Variants in ZFAND4 observed in about 807,000 individuals in gnomAD.
ZFAND4 encodes the protein zinc finger AN1-type containing 4.
In ZFAND4, 43 loss-of-function variants were observed where a neutral mutation model predicts 64.4. The ratio of observed to expected loss-of-function variants is 0.67; its 90% CI spans 0.52 to 0.86. ZFAND4 has a LOEUF of 0.86. ZFAND4 is among the 40% of genes least tolerant of loss of function. The pLI is 0.00. For missense variants in ZFAND4, 929 were observed against 859.8 expected, an observed-to-expected ratio of 1.08 and a Z score of -1.01; for synonymous variants, 296 against 305.7, an observed-to-expected ratio of 0.97 and a Z score of 0.33.
At chr10:45,634,135 A>C (rs1256965649) in intron 6 of ZFAND4, among the ~76,000 whole-genome samples, 2 of 152,210 alleles carry the variant, frequency 1.3e-5, no homozygotes, top group Non-Finnish European at 2.9e-5. Context: ...ATGATATCTA[A>C]CTTGCACATA....
At chr10:45,647,921 T>C (rs1390446601) in intron 5 of ZFAND4, among the ~76,000 whole-genome samples, 1 of 152,318 alleles carries the variant, frequency 6.6e-6, no homozygotes, top group African/African-American at 2.4e-5. Flanking sequence ...TTATCTCCCT[T>C]TTATAGAGTA....
rs1415873618 is a variant in ZFAND4 at position 45,663,770 on chromosome 10, G to T, written c.-45C>A. 6.6e-7 allele frequency: 1 copy of T among 1,510,360 alleles called. No homozygotes were observed. The highest frequency in any genetic ancestry group is 1.3e-5 in the South Asian group (1 of 77,956). The allele number at this position is 1,510,360 out of a possible 1,614,324, so 93.6% of individuals were successfully genotyped here. A position where few individuals can be genotyped will look rare whatever the true frequency, so the allele number is the denominator to read the frequency against. On this transcript the variant is annotated 5_prime_UTR_variant, in exon 2 of 10. An upstream open reading frame in the 5' UTR gains an earlier in-frame stop. Coordinates refer to ENST00000344646, the MANE Select transcript of ZFAND4 (RefSeq NM_174890.4). ...CTTCTAAAATATGTCGCAGGCAACT[G>T]TATTCCAGTTCTAGGCAAACCAGGT...
chr10:45,642,147 A>G (rs193181245), intron 5 of ZFAND4, among the ~76,000 whole-genome samples: 2 of 152,336 alleles, frequency 1.3e-5, no homozygotes, highest in East Asian at 3.9e-4. Context: ...GTTACCTTGC[A>G]ATATTTTAAC....
At chr10:45,617,591 GAAAAAA>G (rs11362238) in intron 9 of ZFAND4, among the ~76,000 whole-genome samples, 1 of 71,082 alleles carries the variant, frequency 1.4e-5, no homozygotes, top group Admixed American at 1.8e-4. Context: ...TTACAGTACT[GAAAAAA>G]AAAAAAAAAA....
chr10:45,652,655 G>T (rs181740368), intron 3 of ZFAND4, among the ~76,000 whole-genome samples: 1 of 152,166 alleles, frequency 6.6e-6, no homozygotes, highest in African/African-American at 2.4e-5. Context: ...AAAACAGAAA[G>T]AAAGGAACAT....
chr10:45,627,042 T>A lies in ZFAND4; in HGVS notation c.781A>T (p.Thr261Ser). 7 of 1,599,636 alleles carry A rather than the reference T, an allele frequency of 4.4e-6. No homozygotes were observed. The highest frequency in any genetic ancestry group is 6.0e-6 in the Non-Finnish European group (7 of 1,171,980). ...AACAATCGGTGGCGAGATGGTGCAG[T>A]GGAACCACTAGAAGGTCGAGGAGCT... The part of the protein sequence containing the change: ...PVAPRPSSGS[T>S]APSRHRLLRV... The change falls in exon 7 of 10, where the codon ACT (threonine) becomes TCT (serine). Residue 261 changes from threonine (T) to serine (S), a missense_variant. By Grantham distance (58) the Thr-to-Ser change is moderately conservative. Transcript: ENST00000344646.
intron 8 of ZFAND4, among the ~76,000 whole-genome samples, chr10:45,619,756 ATCT>A (rs1162112158): frequency 1.3e-5 from 2 of 152,166 alleles, no homozygotes; most frequent in Non-Finnish European, 2.9e-5. Context: ...GCAAAATTAA[ATCT>A]TCTTTATTAC....
chr10:45,651,560 C>A (rs542753994), intron 4 of ZFAND4: 29 of 471,504 alleles, frequency 6.2e-5, no homozygotes, highest in South Asian at 4.0e-4. Flanking sequence ...CCAGACACAT[C>A]ACAAACCAGG....
chr10:45,619,695 G>T (rs1438830160), intron 8 of ZFAND4, among the ~76,000 whole-genome samples: 5 of 151,628 alleles, frequency 3.3e-5, no homozygotes, highest in Non-Finnish European at 7.4e-5. Context: ...TTGGTTCTAT[G>T]TCTTTTTTTT....
At chr10:45,617,033 G>A (rs1364826761) in intron 9 of ZFAND4, among the ~76,000 whole-genome samples, 4 of 151,048 alleles carry the variant, frequency 2.6e-5, no homozygotes, top group African/African-American at 9.7e-5. Context: ...AGCCAAGATC[G>A]TGCCACTGCA....
intron 6 of ZFAND4, among the ~76,000 whole-genome samples, chr10:45,627,622 A>G (rs113588725): frequency 0.016 from 2,381 of 152,284 alleles, 70 homozygotes; most frequent in African/African-American, 0.054. Context: ...AACCTAACTG[A>G]TAAGAGTCGT....
intron 2 of ZFAND4, among the ~76,000 whole-genome samples, chr10:45,653,549 G>A (rs2047900261): frequency 6.6e-6 from 1 of 152,084 alleles, no homozygotes; most frequent in African/African-American, 2.4e-5. Flanking sequence ...CATATATGTG[G>A]CCAACAAATA....
chr10:45,635,195 C>CAAAAAAAAAAAAAAAAAAAAAAAAAA (rs1173808756), intron 6 of ZFAND4, among the ~76,000 whole-genome samples: 68 of 27,586 alleles, frequency 2.5e-3, no homozygotes, highest in South Asian at 4.1e-3. Flanking sequence ...GCCATCTAAG[C>CAAAAAAAAAAAAAAAAAAAAAAAAAA]AAAAAAAAAA....
intron 2 of ZFAND4, among the ~76,000 whole-genome samples, chr10:45,657,028 T>C (rs2048171261): frequency 6.6e-6 from 1 of 151,892 alleles, no homozygotes; most frequent in Non-Finnish European, 1.5e-5. Context: ...TTTTTTTTTT[T>C]TTTTGAGACA....
chr10:45,624,633 G>T lies in ZFAND4; in HGVS notation c.1877C>A (p.Thr626Asn). 6.2e-7 allele frequency: 1 copy of T among 1,613,444 alleles called. No homozygotes were observed. The highest frequency in any genetic ancestry group is 1.1e-5 in the South Asian group (1 of 91,006). ...QLEHTGVFLS[T>N]HGVGMNGNNA... ...ATTTCCATTCATTCCAACACCATGG[G>T]TAGACTACAATTAAAACACAAAACA... Residue 626 changes from threonine (T) to asparagine (N), a missense_variant, in exon 8 of 10, where the codon ACC becomes AAC. Coordinates refer to ENST00000344646, the MANE Select transcript of ZFAND4 (RefSeq NM_174890.4).
chr10:45,642,766 T>A (rs1052726690), intron 5 of ZFAND4, among the ~76,000 whole-genome samples: 33 of 151,774 alleles, frequency 2.2e-4, no homozygotes, highest in African/African-American at 8.0e-4. Context: ...CAATCACAAA[T>A]TTTTTTCAGA....
intron 8 of ZFAND4, among the ~76,000 whole-genome samples, chr10:45,623,896 A>G (rs903316693): frequency 2.6e-5 from 4 of 152,374 alleles, no homozygotes; most frequent in African/African-American, 7.2e-5. Context: ...CAATAAAAAC[A>G]TAAAACCCAC....
chr10:45,626,788 C>A lies in ZFAND4; in HGVS notation c.1035G>T (p.Glu345Asp). The A allele has an allele frequency of 1.2e-6, 2 of 1,614,216 alleles. No homozygotes were observed. The highest frequency in any genetic ancestry group is 1.7e-6 in the Non-Finnish European group (2 of 1,180,034). The change falls in exon 7 of 10, where the codon GAG (glutamate) becomes GAT (aspartate). Residue 345 changes from glutamate to aspartate, a missense_variant. By Grantham distance (45) the Glu-to-Asp change is conservative (BLOSUM62 2). Transcript: ENST00000344646. ...CAGCAAGCTCCTGGTCATTTCCCAA[C>A]TCCAAATGGGGTATCTGAGGAGGTA... Reference protein sequence around the residue: ...VKLPPQIPHLELGNDQELADS... With the variant: ...VKLPPQIPHLDLGNDQELADS...
intron 9 of ZFAND4, chr10:45,617,683 C>T (rs1401034198): frequency 6.7e-6 from 1 of 149,026 alleles, no homozygotes; most frequent in African/African-American, 2.5e-5. Flanking sequence ...GATAATATGA[C>T]ATAACATCCT....
Sources: allele counts gnomAD v4.1 joint callset (sites outside exome capture counted in the v4.1 genomes callset), GRCh38; gene constraint gnomAD v4.1.1; transcripts MANE v1.5; gene names NCBI Gene and HGNC (gene_info 2026-07-23, HGNC 2026-07-21).